Variants in RTL4 observed in about 807,000 individuals in gnomAD.
RTL4 encodes the protein retrotransposon Gag-like protein 4.
Under a neutral mutation model 5.3 loss-of-function variants are expected in RTL4, and 4 were observed. That is an observed-to-expected ratio of 0.75 (90% CI 0.37 to 1.72). The LOEUF (loss-of-function observed/expected upper bound fraction) is 1.72, where lower values mean the gene tolerates loss of function less well. Ranked by LOEUF, RTL4 falls within the 40% of genes most tolerant of loss-of-function variation. The pLI, the probability that RTL4 is intolerant of heterozygous loss-of-function variation, is 0.04. For missense variants in RTL4, 260 were observed against 227.1 expected, an observed-to-expected ratio of 1.14 and a Z score of -0.93; for synonymous variants, 98 against 87.3, an observed-to-expected ratio of 1.12 and a Z score of -0.68.
chrX:112,120,552 C>T, the RTL4 span, among the ~76,000 whole-genome samples: 1 of 108,145 alleles, frequency 9.2e-6, no homozygotes, highest in African/African-American at 3.4e-5. Flanking sequence ...CTGGGATTAA[C>T]AGGCGTGAGC....
the RTL4 span, among the ~76,000 whole-genome samples, chrX:112,212,744 A>C: frequency 1.8e-5 from 2 of 112,334 alleles, no homozygotes; most frequent in African/African-American, 6.5e-5. Flanking sequence ...CTAGCAACAC[A>C]ATCAGTGTTT....
chrX:112,165,384 C>A, the RTL4 span, among the ~76,000 whole-genome samples: 273 of 111,985 alleles, frequency 2.4e-3, 3 homozygotes, highest in Non-Finnish European at 2.1e-3. Context: ...ACTGTACCAT[C>A]CTATCCAACA....
At chrX:112,295,008 T>G in the RTL4 span, among the ~76,000 whole-genome samples, 1 of 112,527 alleles carries the variant, frequency 8.9e-6, no homozygotes, top group East Asian at 2.8e-4. Context: ...ATGCATTTTC[T>G]TGTAATTCAA....
chrX:112,208,157 A>T, the RTL4 span, among the ~76,000 whole-genome samples: 1 of 111,972 alleles, frequency 8.9e-6, no homozygotes, highest in African/African-American at 3.2e-5. Context: ...AACTGCTATT[A>T]GCTGAAAAGG....
chrX:112,430,374 C>A, the RTL4 span, among the ~76,000 whole-genome samples: 2 of 111,066 alleles, frequency 1.8e-5, no homozygotes, highest in African/African-American at 6.5e-5. Context: ...TCTGTTCCAG[C>A]GTTTTTTATA....
At chrX:112,290,740 T>C in the RTL4 span, among the ~76,000 whole-genome samples, 1 of 112,420 alleles carries the variant, frequency 8.9e-6, no homozygotes, top group Non-Finnish European at 1.9e-5. Context: ...AGAGTTGTTT[T>C]AGCAATTAAT....
chrX:112,402,383 T>A, the RTL4 span, among the ~76,000 whole-genome samples: 23 of 103,116 alleles, frequency 2.2e-4, no homozygotes, highest in African/African-American at 7.9e-4. Context: ...TTAGCTCATT[T>A]CTTTGCGGAA....
At chrX:112,358,758 A>T in the RTL4 span, among the ~76,000 whole-genome samples, 3 of 111,576 alleles carry the variant, frequency 2.7e-5, no homozygotes, top group Admixed American at 9.5e-5. Flanking sequence ...GGGAAAGACA[A>T]AGCATTTTTT....
the RTL4 span, among the ~76,000 whole-genome samples, chrX:112,241,042 C>A: frequency 9.0e-6 from 1 of 111,408 alleles, no homozygotes; most frequent in Non-Finnish European, 1.9e-5. Context: ...TGTATATGTG[C>A]CACATTTTCT....
chrX:112,218,170 A>G, the RTL4 span, among the ~76,000 whole-genome samples: 1 of 112,129 alleles, frequency 8.9e-6, no homozygotes, highest in Non-Finnish European at 1.9e-5. Context: ...CAGGATACTT[A>G]GTAATAGTAG....
the RTL4 span, among the ~76,000 whole-genome samples, chrX:112,086,864 C>T: frequency 6.3e-5 from 7 of 111,920 alleles, no homozygotes; most frequent in South Asian, 2.3e-3. Context: ...AAATATGTTT[C>T]ATTTTTCAAG....
the RTL4 span, among the ~76,000 whole-genome samples, chrX:112,335,068 A>T: frequency 8.9e-6 from 1 of 112,069 alleles, no homozygotes; most frequent in Non-Finnish European, 1.9e-5. Flanking sequence ...CGTAACAGGA[A>T]TATTTAATCT....
At chrX:112,105,534 T>G in the RTL4 span, among the ~76,000 whole-genome samples, 1 of 111,613 alleles carries the variant, frequency 9.0e-6, no homozygotes, top group Non-Finnish European at 1.9e-5. Context: ...TGGCTATCTT[T>G]CCATTTATTT....
At chrX:112,251,164 C>T in the RTL4 span, among the ~76,000 whole-genome samples, 36 of 112,195 alleles carry the variant, frequency 3.2e-4, no homozygotes, top group African/African-American at 1.1e-3. Context: ...TTAGGAGTTC[C>T]TGCACTGGTG....
At chrX:112,233,067 T>C in the RTL4 span, among the ~76,000 whole-genome samples, 1 of 111,662 alleles carries the variant, frequency 9.0e-6, no homozygotes, top group African/African-American at 3.3e-5. Context: ...ATCATCCCTT[T>C]GGATTTAGAA....
chrX:112,095,756 G>T, the RTL4 span, among the ~76,000 whole-genome samples: 2 of 111,437 alleles, frequency 1.8e-5, no homozygotes, highest in African/African-American at 6.5e-5. Context: ...CAAGTCAAGG[G>T]TATGGCTGTA....
the RTL4 span, among the ~76,000 whole-genome samples, chrX:112,154,623 G>A: frequency 8.9e-6 from 1 of 112,289 alleles, no homozygotes; most frequent in Admixed American, 9.4e-5. Flanking sequence ...TGATGAAACA[G>A]AGATTTCCTT....
the RTL4 span, among the ~76,000 whole-genome samples, chrX:112,104,039 C>A: frequency 9.0e-6 from 1 of 111,469 alleles, no homozygotes; most frequent in East Asian, 2.8e-4. Context: ...AGCAACATTT[C>A]TCCAAGCCTC....
chrX:112,429,998 TTAAA>T, the RTL4 span, among the ~76,000 whole-genome samples: 21 of 111,554 alleles, frequency 1.9e-4, 1 homozygote, highest in South Asian at 8.0e-3. Context: ...TTTCTCAAGT[TTAAA>T]TATAATATGC....
Sources: gnomAD v4.1 joint callset for allele counts (sites outside exome capture counted in the v4.1 genomes callset) on GRCh38, gnomAD v4.1.1 for gene constraint, MANE v1.5 for transcripts, NCBI Gene and HGNC (gene_info 2026-07-23, HGNC 2026-07-21) for gene names.